Variants in PRDM16 observed in about 807,000 individuals in gnomAD.
PRDM16 encodes the protein histone-lysine N-methyltransferase PRDM16.
Under a neutral mutation model 110.6 loss-of-function variants are expected in PRDM16, and 23 were observed. The observed-to-expected ratio is 0.21, with a 90% CI of 0.15 to 0.29. The LOEUF is 0.29. Ranked by LOEUF, PRDM16 falls within the 10% of genes least tolerant of loss-of-function variation. The pLI is 1.00. For missense variants in PRDM16, 1,615 were observed against 1,794.3 expected, an observed-to-expected ratio of 0.90 and a Z score of 1.81; for synonymous variants, 799 against 781.8, an observed-to-expected ratio of 1.02 and a Z score of -0.37.
At chr1:3,137,801 G>A (rs901835697) in intron 1 of PRDM16, among the ~76,000 whole-genome samples, 1 of 152,228 alleles carries the variant, frequency 6.6e-6, no homozygotes, top group Non-Finnish European at 1.5e-5. Context: ...TGGAGGGGCC[G>A]CAGCACCTGC....
chr1:3,401,719 C>T lies in PRDM16; in HGVS notation c.677-1072C>T, dbSNP rs1439100106. Among the ~76,000 whole-genome samples the T allele has an allele frequency of 3.3e-5, 5 of 152,200 alleles. No individual in the cohort carries two copies. In the South Asian group the frequency reaches 1.0e-3, roughly 32 times the overall value. On this transcript the variant is annotated intron_variant, in intron 5 of 16. Transcript: ENST00000270722. ...CGCACGAACATATATGTATAATATG[C>T]ACGTATGCATACATAACACAAATGC...
rs749076034 is a variant in PRDM16, at chr1:3,186,427, G to C, written c.340G>C (p.Val114Leu). Residue 114 changes from valine (V) to leucine (L), a missense_variant, in exon 2 of 17, where the codon GTG (valine) becomes CTG (leucine). By Grantham distance (32) the Val-to-Leu change is conservative (BLOSUM62 1). Transcript: ENST00000270722. ...AGCCGGGGAGAGGCTGGGCCCCTGC[G>C]TGGTGGTGCCCCGGGCGGCGGCAAA... ...MEAGERLGPC[V>L]VVPRAAAKET... The C allele has an allele frequency of 6.3e-7, 1 of 1,576,998 alleles. No homozygotes were observed. The highest frequency in any genetic ancestry group is 1.2e-5 in the South Asian group (1 of 85,650).
intron 3 of PRDM16, among the ~76,000 whole-genome samples, chr1:3,314,813 G>A (rs1309657871): frequency 1.3e-5 from 2 of 152,128 alleles, no homozygotes; most frequent in African/African-American, 4.8e-5. Context: ...CCCGCAGTCT[G>A]GCAGACAGAT....
At chr1:3,191,661 T>C (rs935622767) in intron 2 of PRDM16, among the ~76,000 whole-genome samples, 2 of 152,358 alleles carry the variant, frequency 1.3e-5, no homozygotes, top group African/African-American at 4.8e-5. Flanking sequence ...GTGTTTGGAA[T>C]ACTGATGCTC....
At chr1:3,138,064 C>T (rs1315327490) in intron 1 of PRDM16, among the ~76,000 whole-genome samples, 18 of 152,196 alleles carry the variant, frequency 1.2e-4, no homozygotes, top group Admixed American at 1.1e-3. Context: ...TGTAAGTTCC[C>T]CCTGTGAAGG....
intron 12 of PRDM16, among the ~76,000 whole-genome samples, chr1:3,422,158 G>A (rs1440687468): frequency 7.1e-6 from 1 of 140,992 alleles, no homozygotes; most frequent in Non-Finnish European, 1.5e-5. Flanking sequence ...GACAGGCAGG[G>A]CAGACAGGCA....
At position 3,246,143 on chromosome 1, in the gene PRDM16, G is replaced by A. The variant is rs116587984; in HGVS notation, c.438+2006G>A. Among the ~76,000 whole-genome samples, 394 of 152,288 alleles carry A rather than the reference G, an allele frequency of 2.6e-3. 2 individuals carry two copies. The highest frequency in any genetic ancestry group is 9.1e-3 in the African/African-American group (379 of 41,568). ...AGGACAGAAGGAGGGTGAAGTGGGCGCCGCCTTCTGTGCCTCTGGGCCACG... is the reference window on the plus strand; with the variant it reads ...AGGACAGAAGGAGGGTGAAGTGGGCACCGCCTTCTGTGCCTCTGGGCCACG... On this transcript the variant is annotated intron_variant, in intron 3 of 16. Transcript: ENST00000270722. This position sits in a 1 kb window ranked among gnomAD's most constrained non-coding sequence, Gnocchi z 5.2.
At chr1:3,165,031 A>G (rs1271704580) in intron 1 of PRDM16, among the ~76,000 whole-genome samples, 1 of 152,244 alleles carries the variant, frequency 6.6e-6, no homozygotes, top group African/African-American at 2.4e-5. Flanking sequence ...GCCAAGTGAC[A>G]TGGTGCTTGG....
rs372823594 is a variant in PRDM16 at position 3,186,201 on chromosome 1, C to T, written c.114C>T (p.Ala38=). 38 of 1,612,734 alleles carry T rather than the reference C, an allele frequency of 2.4e-5. No homozygotes were observed. Among genetic ancestry groups the T allele is most frequent in the East Asian group, 2.2e-4 (10 of 44,894 alleles). The change falls in exon 2 of 17, where the codon GCC becomes GCT. Residue 38 remains alanine (A), a synonymous_variant. Transcript: ENST00000270722. ...CCAGCCACAGCGCGGAGGACGAGGC[C>T]GAGGACAGTGCCATGTCGCCCATCC... is the stretch of plus-strand genomic sequence containing the variant. ...LLASHSAEDE[A]EDSAMSPIPV... is the part of the protein sequence containing the mutation.
At chr1:3,281,715 A>G (rs1569986882) in intron 3 of PRDM16, among the ~76,000 whole-genome samples, 2 of 152,162 alleles carry the variant, frequency 1.3e-5, no homozygotes, top group African/African-American at 4.8e-5. Flanking sequence ...ACTAGCTATG[A>G]TCGGTTTGAT....
chr1:3,242,928 GA>G (rs1207595902), intron 2 of PRDM16, among the ~76,000 whole-genome samples: 3 of 152,202 alleles, frequency 2.0e-5, no homozygotes, highest in African/African-American at 7.2e-5. Context: ...GTCCAGAAGG[GA>G]AAAATCCAAT....
chr1:3,412,869 G>A (rs893606485), intron 9 of PRDM16, 69 bp downstream of exon 9: 4 of 1,256,228 alleles, frequency 3.2e-6, no homozygotes, highest in Non-Finnish European at 3.2e-6. Context: ...CGGGCTCAGT[G>A]CATGGTGGTG....
Position 3,350,225 on chromosome 1 carries a change from C to T in PRDM16, c.439-34927C>T, listed in dbSNP as rs944820. On this transcript the variant is annotated intron_variant, in intron 3 of 16. Transcript: ENST00000270722. This position sits in a 1 kb window ranked among gnomAD's most constrained non-coding sequence, Gnocchi z 7.1. ...CTGGTAGTTCCAGCTACTCAGGAGGCTGAGGCAGGAGGATCGCTTGAGCTC... is the reference window on the plus strand; with the variant it reads ...CTGGTAGTTCCAGCTACTCAGGAGGTTGAGGCAGGAGGATCGCTTGAGCTC... Among the ~76,000 whole-genome samples the T allele has an allele frequency of 3.3e-3, 509 of 152,346 alleles. 3 individuals are homozygous for T. Among genetic ancestry groups the T allele is most frequent in the East Asian group, 0.017 (86 of 5,184 alleles).
chr1:3,376,887 A>C (rs771869913), intron 3 of PRDM16, among the ~76,000 whole-genome samples: 8 of 152,006 alleles, frequency 5.3e-5, no homozygotes, highest in Non-Finnish European at 8.8e-5. Flanking sequence ...TCTCATTAGC[A>C]CTGGGTCCCA....
chr1:3,285,020 T>C (rs1640813826), intron 3 of PRDM16, among the ~76,000 whole-genome samples: 1 of 152,196 alleles, frequency 6.6e-6, no homozygotes, highest in Non-Finnish European at 1.5e-5. Context: ...GGTATAGCCC[T>C]TGAGCATGGA....
At chr1:3,394,187 A>G (rs922891255) in intron 4 of PRDM16, among the ~76,000 whole-genome samples, 159 of 151,056 alleles carry the variant, frequency 1.1e-3, no homozygotes, top group Non-Finnish European at 9.5e-4. Flanking sequence ...GCGCCCTCGG[A>G]GCTGCGGTGG....
chr1:3,340,614 G>T (rs1030523688), intron 3 of PRDM16, among the ~76,000 whole-genome samples: 1 of 152,170 alleles, frequency 6.6e-6, no homozygotes, highest in South Asian at 2.1e-4. Flanking sequence ...GTGTCTTCAG[G>T]AAATAGAGCC....
intron 2 of PRDM16, among the ~76,000 whole-genome samples, chr1:3,236,289 G>A (rs1639539648): frequency 6.6e-6 from 1 of 152,170 alleles, no homozygotes; most frequent in Non-Finnish European, 1.5e-5. Context: ...CCTGGCGGGG[G>A]GTGGCTTCCC....
At chr1:3,199,945 G>A (rs765084090) in intron 2 of PRDM16, among the ~76,000 whole-genome samples, 6 of 152,340 alleles carry the variant, frequency 3.9e-5, no homozygotes, top group East Asian at 1.9e-4. Flanking sequence ...CTTGTGTTCC[G>A]TCTCTCTCCC....
Sources: gnomAD v4.1 joint callset for allele counts (sites outside exome capture counted in the v4.1 genomes callset) on GRCh38, gnomAD v4.1.1 for gene constraint, Gnocchi (gnomAD v3.1) non-coding constraint, MANE v1.5 for transcripts, NCBI Gene and HGNC (gene_info 2026-07-23, HGNC 2026-07-21) for gene names.